The following WLS variants were observed in gnomAD, a reference collection of about 807,000 sequenced individuals.
WLS encodes the protein Wnt ligand secretion mediator, also known as protein wntless homolog.
A neutral mutation model predicts 62.8 loss-of-function variants in WLS; 23 were observed. The ratio of observed to expected loss-of-function variants is 0.37; its 90% CI spans 0.26 to 0.52. WLS has a LOEUF of 0.52. Ranked by LOEUF, WLS falls within the 20% of genes least tolerant of loss-of-function variation. WLS has a pLI of 0.92. For missense variants in WLS, 615 were observed against 697.3 expected, an observed-to-expected ratio of 0.88 and a Z score of 1.33; for synonymous variants, 246 against 244.1, an observed-to-expected ratio of 1.01 and a Z score of -0.07.
intron 2 of WLS, chr1:68,162,879 T>C: frequency 3.9e-6 from 6 of 1,529,120 alleles, no homozygotes; most frequent in Non-Finnish European, 5.4e-6. Flanking sequence ...CGTTAGAACC[T>C]TCTCGTGGAT....
chr1:68,219,246 A>G (rs1649851539), intron 1 of WLS, among the ~76,000 whole-genome samples: 1 of 152,234 alleles, frequency 6.6e-6, no homozygotes, highest in Admixed American at 6.5e-5. Context: ...ACCAAAATAT[A>G]TAACCCAGAC....
At position 68,164,571 on chromosome 1, in the gene WLS, A is replaced by T. The variant is rs781321274; in HGVS notation, c.380-5324T>A. Among the ~76,000 whole-genome samples the T allele has an allele frequency of 3.9e-5, 6 of 152,272 alleles. No homozygotes were observed. In the South Asian group the frequency reaches 8.3e-4, roughly 21 times the overall value. ...CTGTGCCTGGCCTCAAAATTTTTTTAAAACATAAAAAATACATGAAGTAGG... is the reference window on the plus strand; with the variant it reads ...CTGTGCCTGGCCTCAAAATTTTTTTTAAACATAAAAAATACATGAAGTAGG... On this transcript the variant is annotated intron_variant, in intron 2 of 11. Coordinates refer to ENST00000262348, the MANE Select transcript of WLS (RefSeq NM_024911.7).
chr1:68,140,853 C>T (rs1282073091), intron 10 of WLS, among the ~76,000 whole-genome samples: 1 of 152,048 alleles, frequency 6.6e-6, no homozygotes, highest in African/African-American at 2.4e-5. Context: ...CAATATGTAC[C>T]ACAATGAGCA....
intron 11 of WLS, among the ~76,000 whole-genome samples, chr1:68,110,102 T>C (rs1279118457): frequency 2.0e-5 from 3 of 150,854 alleles, no homozygotes; most frequent in Admixed American, 6.6e-5. Context: ...TCAAAAATTC[T>C]TTAAAAAGAC....
intron 3 of WLS, among the ~76,000 whole-genome samples, chr1:68,156,211 A>C (rs1403243928): frequency 6.6e-6 from 1 of 152,050 alleles, no homozygotes; most frequent in Non-Finnish European, 1.5e-5. Flanking sequence ...AGAAGATGAG[A>C]GTCTACCATC....
chr1:68,203,887 T>C (rs1649161544), intron 1 of WLS, among the ~76,000 whole-genome samples: 1 of 152,140 alleles, frequency 6.6e-6, no homozygotes. Context: ...AATGGATAGA[T>C]AAGAGCAAGA....
At chr1:68,230,638 A>T (rs1019057703) in intron 1 of WLS, among the ~76,000 whole-genome samples, 3 of 151,444 alleles carry the variant, frequency 2.0e-5, no homozygotes, top group Admixed American at 1.3e-4. Context: ...TCCAGAAAGA[A>T]AATGTGAAGC....
intron 1 of WLS, among the ~76,000 whole-genome samples, chr1:68,213,805 A>T (rs1649618689): frequency 6.6e-6 from 1 of 152,152 alleles, no homozygotes; most frequent in Non-Finnish European, 1.5e-5. Flanking sequence ...GGCAAAATCC[A>T]TGTGTTTACT....
chr1:68,136,142 C>T (rs902558479), intron 11 of WLS, among the ~76,000 whole-genome samples: 9 of 152,200 alleles, frequency 5.9e-5, no homozygotes, highest in African/African-American at 2.2e-4. Flanking sequence ...GACCACTCCA[C>T]GTCCCTTGAC....
At chr1:68,153,271 C>G (rs1037297566) in intron 5 of WLS, among the ~76,000 whole-genome samples, 2 of 152,006 alleles carry the variant, frequency 1.3e-5, no homozygotes, top group African/African-American at 2.4e-5. Context: ...GAGACCTTGT[C>G]TCCAAAAAAT....
At chr1:68,207,016 G>A (rs1285990384) in intron 1 of WLS, among the ~76,000 whole-genome samples, 1 of 152,080 alleles carries the variant, frequency 6.6e-6, no homozygotes, top group Non-Finnish European at 1.5e-5. Context: ...GTTACTGTTT[G>A]GGATCTGAAT....
chr1:68,127,527 T>TAAAC lies in WLS; in HGVS notation c.1517-1196_1517-1193dup, dbSNP rs76870100. On this transcript the variant is annotated intron_variant, in intron 11 of 11. Coordinates refer to ENST00000262348, the MANE Select transcript of WLS (RefSeq NM_024911.7). ...ACCTGCCATAAGACAAGTGAATGTATAAACAACAAAGGGAAAATGGAAAAC... is the reference window on the plus strand; with the variant it reads ...ACCTGCCATAAGACAAGTGAATGTATAAACAAACAACAAAGGGAAAATGGAAAAC... Among the ~76,000 whole-genome samples, 758 of 152,148 alleles carry TAAAC rather than the reference T, an allele frequency of 5.0e-3. 5 individuals are homozygous for TAAAC. The highest frequency in any genetic ancestry group is 7.4e-3 in the Non-Finnish European group (505 of 68,004).
chr1:68,207,871 G>A (rs1425239145), intron 1 of WLS, among the ~76,000 whole-genome samples: 1 of 152,242 alleles, frequency 6.6e-6, no homozygotes, highest in Admixed American at 6.5e-5. Context: ...ATGAATGTTA[G>A]CTGATAATAA....
intron 2 of WLS, among the ~76,000 whole-genome samples, chr1:68,181,014 G>T (rs532086946): frequency 1.3e-4 from 20 of 152,144 alleles, no homozygotes; most frequent in East Asian, 5.8e-4. Context: ...GGGGAAAATG[G>T]TTTTTTCCAA....
chr1:68,164,476 T>G (rs1281078452), intron 2 of WLS, among the ~76,000 whole-genome samples: 2 of 152,192 alleles, frequency 1.3e-5, no homozygotes, highest in Non-Finnish European at 2.9e-5. Flanking sequence ...CAGGCTGGTC[T>G]TGAACTCCTG....
downstream of WLS, among the ~76,000 whole-genome samples, chr1:68,123,506 A>G (rs765074863): frequency 3.3e-5 from 5 of 151,604 alleles, no homozygotes; most frequent in African/African-American, 7.3e-5. Flanking sequence ...TGGCTGCCCA[A>G]TCTGCTGGAC....
intron 11 of WLS, among the ~76,000 whole-genome samples, chr1:68,128,128 G>T (rs1415126607): frequency 6.6e-6 from 1 of 152,172 alleles, no homozygotes; most frequent in Non-Finnish European, 1.5e-5. Flanking sequence ...GGTAGAGAAG[G>T]CATTAAAGGG....
chr1:68,153,387 G>A, intron 5 of WLS, 130 bp downstream of exon 5: 1 of 1,247,994 alleles, frequency 8.0e-7, no homozygotes, highest in Non-Finnish European at 1.1e-6. Flanking sequence ...AGGAGTCCAG[G>A]ATGACTCCTG....
intron 1 of WLS, among the ~76,000 whole-genome samples, chr1:68,223,152 C>T (rs887261359): frequency 6.6e-6 from 1 of 152,314 alleles, no homozygotes; most frequent in South Asian, 2.1e-4. Flanking sequence ...TCAAGCTTCA[C>T]TAACACTGTA....
Sources: gnomAD v4.1 joint callset for allele counts (sites outside exome capture counted in the v4.1 genomes callset) on GRCh38, gnomAD v4.1.1 for gene constraint, MANE v1.5 for transcripts, NCBI Gene and HGNC (gene_info 2026-07-23, HGNC 2026-07-21) for gene names.